Variants in PTPRR observed in about 807,000 individuals in gnomAD.
The protein encoded by PTPRR is receptor-type tyrosine-protein phosphatase R.
PTPRR carries 38 observed loss-of-function variants against 77.2 expected under a neutral mutation model. That is an observed-to-expected ratio of 0.49 (90% CI 0.38 to 0.65). The LOEUF (loss-of-function observed/expected upper bound fraction) is 0.65, where lower values mean the gene tolerates loss of function less well. PTPRR is among the 30% of genes least tolerant of loss of function. The pLI is 0.00. For missense variants in PTPRR, 744 were observed against 799.2 expected (o/e 0.93, Z 0.83); for synonymous variants, 299 against 283.1 (o/e 1.06, Z -0.57).
intron 1 of PTPRR, among the ~76,000 whole-genome samples, chr12:70,893,437 T>C (rs1300569032): frequency 1.3e-5 from 2 of 151,966 alleles, no homozygotes; most frequent in African/African-American, 4.8e-5. Context: ...TCTTCACGCT[T>C]ACAGAGTATT....
chr12:70,868,760 C>A (rs1892906550), intron 2 of PTPRR, among the ~76,000 whole-genome samples: 1 of 151,996 alleles, frequency 6.6e-6, no homozygotes, highest in Non-Finnish European at 1.5e-5. Flanking sequence ...CAGCACTATT[C>A]ACAATAGCAA....
chr12:70,719,589 T>C (rs2175710), intron 6 of PTPRR, among the ~76,000 whole-genome samples: 127,635 of 152,042 alleles, frequency 0.84, 53,904 homozygotes, highest in East Asian at 1. Flanking sequence ...AAGGCTTAAA[T>C]ACTGAAAGAA....
At chr12:70,904,317 C>T (rs1893586494) in intron 1 of PTPRR, among the ~76,000 whole-genome samples, 1 of 151,744 alleles carries the variant, frequency 6.6e-6, no homozygotes, top group Admixed American at 6.6e-5. Context: ...CTCAAATGTC[C>T]TTCAATGGGT....
At chr12:70,844,112 G>A (rs969252172) in intron 2 of PTPRR, among the ~76,000 whole-genome samples, 5 of 151,734 alleles carry the variant, frequency 3.3e-5, no homozygotes, top group Admixed American at 6.6e-5. Flanking sequence ...CACCATGCCC[G>A]GCTTAAAAAA....
At chr12:70,849,687 T>C (rs941181527) in intron 2 of PTPRR, among the ~76,000 whole-genome samples, 6 of 152,374 alleles carry the variant, frequency 3.9e-5, no homozygotes, top group Admixed American at 2.6e-4. Flanking sequence ...TGGTTGACAA[T>C]GGGCAAAAAT....
chr12:70,695,439 G>T (rs185222594), intron 8 of PTPRR, among the ~76,000 whole-genome samples: 1 of 152,242 alleles, frequency 6.6e-6, no homozygotes, highest in East Asian at 1.9e-4. Flanking sequence ...AGGGTGGTGG[G>T]TGGGGCATTC....
intron 3 of PTPRR, among the ~76,000 whole-genome samples, chr12:70,762,529 A>C (rs1185016381): frequency 6.6e-6 from 1 of 152,224 alleles, no homozygotes; most frequent in Non-Finnish European, 1.5e-5. Context: ...TCATGTTTGC[A>C]GAGAACAACA....
At chr12:70,804,918 A>G (rs566795937) in intron 2 of PTPRR, among the ~76,000 whole-genome samples, 1 of 152,346 alleles carries the variant, frequency 6.6e-6, no homozygotes, top group East Asian at 1.9e-4. Context: ...ATTTGAAAAA[A>G]CAGTATAAAG....
At chr12:70,823,284 G>A (rs961358171) in intron 2 of PTPRR, among the ~76,000 whole-genome samples, 2 of 152,116 alleles carry the variant, frequency 1.3e-5, no homozygotes, top group Non-Finnish European at 2.9e-5. Flanking sequence ...AGGATGGCAG[G>A]CTCCTGAAAC....
At chr12:70,819,215 G>A (rs766697062) in intron 2 of PTPRR, among the ~76,000 whole-genome samples, 3 of 152,214 alleles carry the variant, frequency 2.0e-5, no homozygotes, top group South Asian at 2.1e-4. Flanking sequence ...CAGCTACTCC[G>A]GAGGCTGAGG....
chr12:70,709,111 A>G (rs549909915), intron 6 of PTPRR, among the ~76,000 whole-genome samples: 11 of 152,138 alleles, frequency 7.2e-5, no homozygotes, highest in Non-Finnish European at 1.5e-4. Context: ...CAGCACATCA[A>G]AAAGCTTACC....
chr12:70,825,121 A>G (rs918064419), intron 2 of PTPRR, among the ~76,000 whole-genome samples: 1 of 151,946 alleles, frequency 6.6e-6, no homozygotes, highest in African/African-American at 2.4e-5. Flanking sequence ...TGTCTGTACT[A>G]AAAATACAAA....
chr12:70,721,682 C>A (rs939122271), intron 6 of PTPRR, among the ~76,000 whole-genome samples: 6 of 152,084 alleles, frequency 3.9e-5, no homozygotes, highest in African/African-American at 1.4e-4. Context: ...GAATTCTGCA[C>A]AGTATAGGAT....
intron 2 of PTPRR, among the ~76,000 whole-genome samples, chr12:70,886,140 C>G (rs1021384427): frequency 6.6e-6 from 1 of 152,152 alleles, no homozygotes; most frequent in Non-Finnish European, 1.5e-5. Flanking sequence ...ATTCCAGCAT[C>G]GTCCTTGCTG....
At chr12:70,840,091 G>C (rs868631598) in intron 2 of PTPRR, among the ~76,000 whole-genome samples, 2 of 152,148 alleles carry the variant, frequency 1.3e-5, no homozygotes, top group South Asian at 4.1e-4. Flanking sequence ...AATTAATACA[G>C]ATATAACTTA....
At chr12:70,907,752 G>T (rs76248321) in intron 1 of PTPRR, among the ~76,000 whole-genome samples, 2,479 of 152,256 alleles carry the variant, frequency 0.016, 78 homozygotes, top group African/African-American at 0.057. Flanking sequence ...GCCAGCTGAG[G>T]TATAGCAATC....
At chr12:70,911,912 C>T (rs1213251752) in intron 1 of PTPRR, among the ~76,000 whole-genome samples, 3 of 152,144 alleles carry the variant, frequency 2.0e-5, no homozygotes, top group Non-Finnish European at 4.4e-5. Context: ...ACTTCTATGA[C>T]ACTCTCTAAG....
At chr12:70,711,775 A>G (rs1888837185) in intron 6 of PTPRR, among the ~76,000 whole-genome samples, 1 of 152,166 alleles carries the variant, frequency 6.6e-6, no homozygotes, top group African/African-American at 2.4e-5. Flanking sequence ...TCTATCTGAA[A>G]GATTCTAGAT....
intron 2 of PTPRR, among the ~76,000 whole-genome samples, chr12:70,822,610 C>T (rs1892034733): frequency 6.6e-6 from 1 of 152,078 alleles, no homozygotes; most frequent in South Asian, 2.1e-4. Context: ...GAGCCGTCTC[C>T]CTCCCAGCTC....
Sources: allele counts gnomAD v4.1 joint callset (sites outside exome capture counted in the v4.1 genomes callset), GRCh38; gene constraint gnomAD v4.1.1; transcripts MANE v1.5; gene names NCBI Gene and HGNC (gene_info 2026-07-23, HGNC 2026-07-21).